The following ADGRG3 variants were observed in gnomAD, a reference collection of about 807,000 sequenced individuals.
ADGRG3 encodes adhesion G protein-coupled receptor G3, also known as G protein-coupled receptor 97.
ADGRG3 carries 39 observed loss-of-function variants against 54.3 expected under a neutral mutation model. The ratio of observed to expected loss-of-function variants is 0.72; its 90% CI spans 0.56 to 0.94. ADGRG3 has a LOEUF of 0.94. ADGRG3 is among the 40% of genes least tolerant of loss of function. The pLI is 0.00. For synonymous variants in ADGRG3, 312 were observed against 290.0 expected, an observed-to-expected ratio of 1.08 and a Z score of -0.77; for missense variants, 654 against 694.6, an observed-to-expected ratio of 0.94 and a Z score of 0.66.
chr16:57,680,496 C>A lies in ADGRG3; in HGVS notation c.769-9C>A, dbSNP rs1389626173. 1 of 1,609,066 alleles carries A rather than the reference C, an allele frequency of 6.2e-7. No individual in the cohort carries two copies. Among genetic ancestry groups the A allele is most frequent in the African/African-American group, 1.3e-5 (1 of 74,928 alleles). ...ACTGACGTGGTCCCGGTTCTGGGGT[C>A]ACCCACAGAGACCCACCTTGGACCA... is the stretch of plus-strand genomic sequence containing the variant. On this transcript the variant is annotated splice_polypyrimidine_tract_variant and intron_variant, in intron 7 of 11. Coordinates refer to ENST00000333493, the MANE Select transcript of ADGRG3 (RefSeq NM_170776.5).
intron 5 of ADGRG3, 22 bp from the exon 6 acceptor site, chr16:57,679,794 G>A (rs759422734): frequency 6.2e-7 from 1 of 1,607,268 alleles, no homozygotes; most frequent in Non-Finnish European, 8.5e-7. Flanking sequence ...CCTCTCTCCT[G>A]ACTTCCACTC....
intron 4 of ADGRG3, 76 bp from the exon 5 acceptor site, chr16:57,679,101 C>G: frequency 1.3e-6 from 2 of 1,562,622 alleles, no homozygotes; most frequent in Middle Eastern, 1.7e-4. Context: ...TTCCTGGAGG[C>G]TCCTAGGAAC....
At chr16:57,672,317 G>A (rs755471097) in intron 1 of ADGRG3, among the ~76,000 whole-genome samples, 1 of 152,180 alleles carries the variant, frequency 6.6e-6, no homozygotes, top group African/African-American at 2.4e-5. Context: ...CTTGAGGACA[G>A]GAGTTCGAGA....
rs778190344 is a variant in ADGRG3, at chr16:57,679,336, A to G, written c.627+25A>G. On this transcript the variant is annotated intron_variant, in intron 5 of 11. Transcript: ENST00000333493. ...TGTGAGTCCCCTGCTCAGGCCTGGC[A>G]GCCACTGCAGGGCAGACAGGCGAGT... The G allele has an allele frequency of 5.0e-6, 8 of 1,612,746 alleles. No individual in the cohort carries two copies. In the Admixed American group the frequency reaches 1.3e-4, roughly 27 times the overall value.
chr16:57,679,823 C>A lies in ADGRG3; in HGVS notation c.635C>A (p.Thr212Asn), dbSNP rs780647990. Reference sequence around the variant, plus strand: ...TCCACTCTTCGGTTTCAGAACATGACCCTCACCTGTGTATTCTGGGATGTG... The same window carrying A: ...TCCACTCTTCGGTTTCAGAACATGAACCTCACCTGTGTATTCTGGGATGTG... Reference protein sequence around the residue: ...FSHQRPPPNMTLTCVFWDVTK... With the variant: ...FSHQRPPPNMNLTCVFWDVTK... Residue 212 changes from threonine to asparagine, a missense_variant, in exon 6 of 12, where the codon ACC becomes AAC. Transcript: ENST00000333493. The A allele has an allele frequency of 1.9e-6, 3 of 1,612,744 alleles. No homozygotes were observed. The South Asian group carries it at 3.3e-5, about 18-fold the overall frequency.
In ADGRG3 at chr16:57,679,329, G is replaced by A; in HGVS notation, c.627+18G>A. On this transcript the variant is annotated intron_variant, in intron 5 of 11. Coordinates refer to ENST00000333493, the MANE Select transcript of ADGRG3 (RefSeq NM_170776.5). ...CGCCCCCTGTGAGTCCCCTGCTCAG[G>A]CCTGGCAGCCACTGCAGGGCAGACA... The A allele has an allele frequency of 6.2e-7, 1 of 1,613,176 alleles. No homozygotes were observed. The highest frequency in any genetic ancestry group is 8.5e-7 in the Non-Finnish European group (1 of 1,179,762).
chr16:57,684,547 G>A, intron 10 of ADGRG3, 64 bp downstream of exon 10: 1 of 1,141,036 alleles, frequency 8.8e-7, no homozygotes, highest in Non-Finnish European at 1.3e-6. Context: ...TGGGGCTGGA[G>A]AGAGGTGGGG....
At chr16:57,684,951 A>C (rs2048446351) in intron 10 of ADGRG3, among the ~76,000 whole-genome samples, 1 of 152,108 alleles carries the variant, frequency 6.6e-6, no homozygotes, top group African/African-American at 2.4e-5. Flanking sequence ...CCTGCCTGCT[A>C]TGTGTGTGAT....
At position 57,686,111 on chromosome 16, in the gene ADGRG3, G is replaced by A. The variant is rs139949419; in HGVS notation, c.1540+185G>A. Reference sequence around the variant, plus strand: ...CAAAGTTTGGCTGCTGTATTAGTCCGTTTGTGTTACTAGAATACAAAGGAA... The same window carrying A: ...CAAAGTTTGGCTGCTGTATTAGTCCATTTGTGTTACTAGAATACAAAGGAA... On this transcript the variant is annotated intron_variant, in intron 11 of 11. Coordinates refer to ENST00000333493, the MANE Select transcript of ADGRG3 (RefSeq NM_170776.5). 2,101 of 622,864 alleles carry A rather than the reference G, an allele frequency of 3.4e-3. 7 individuals carry two copies. Among genetic ancestry groups the A allele is most frequent in the Admixed American group, 6.0e-3 (207 of 34,392 alleles). The allele number at this position is 622,864 out of a possible 1,614,324, so 38.6% of individuals were successfully genotyped here.
At chr16:57,676,631 T>C (rs1415653780) in intron 3 of ADGRG3, among the ~76,000 whole-genome samples, 24 of 152,200 alleles carry the variant, frequency 1.6e-4, no homozygotes, top group Non-Finnish European at 7.3e-5. Context: ...TCACCAGCCA[T>C]TGTGATCATG....
At chr16:57,668,279 C>A, upstream of ADGRG3, 1 of 1,361,688 alleles carries the variant, frequency 7.3e-7, no homozygotes, top group Non-Finnish European at 1.0e-6. Context: ...GGCAGGCCAG[C>A]TCAGCAGAGC....
chr16:57,689,023 G>T lies in ADGRG3; in HGVS notation c.*562G>T, dbSNP rs544477431. The T allele has an allele frequency of 1.3e-5, 2 of 155,604 alleles. No individual in the cohort carries two copies. Among genetic ancestry groups the T allele is most frequent in the Non-Finnish European group, 2.9e-5 (2 of 69,950 alleles). The allele number at this position is 155,604 out of a possible 1,614,324, so 9.6% of individuals were successfully genotyped here. A position where few individuals can be genotyped will look rare whatever the true frequency, so the allele number is the denominator to read the frequency against. On this transcript the variant is annotated 3_prime_UTR_variant, in exon 12 of 12. Coordinates refer to ENST00000333493, the MANE Select transcript of ADGRG3 (RefSeq NM_170776.5). ...CCACCCTCCTGGAAGAGACCCCCGT[G>T]TTCAGAGTGCTGGCAGCCCTGCACG...
Sources: gnomAD v4.1 joint callset for allele counts (sites outside exome capture counted in the v4.1 genomes callset) on GRCh38, gnomAD v4.1.1 for gene constraint, MANE v1.5 for transcripts, NCBI Gene and HGNC (gene_info 2026-07-23, HGNC 2026-07-21) for gene names.